AMN1: variants seen among roughly 807,000 people sequenced by gnomAD.
The protein encoded by AMN1 is antagonist of mitotic exit network 1 homolog, also known as protein AMN1 homolog.
Under a neutral mutation model 33.0 loss-of-function variants are expected in AMN1, and 20 were observed. That is an observed-to-expected ratio of 0.61 (90% CI 0.43 to 0.88). AMN1 has a LOEUF of 0.88. Among genes scored for constraint, AMN1 ranks in the 40% least tolerant of loss-of-function variants. The pLI, the probability that AMN1 is intolerant of heterozygous loss-of-function variation, is 0.00. For missense variants in AMN1, 246 were observed against 307.4 expected, an observed-to-expected ratio of 0.80 and a Z score of 1.49; for synonymous variants, 114 against 111.9, an observed-to-expected ratio of 1.02 and a Z score of -0.12.
chr12:31,716,975 C>T (rs188705182), intron 1 of AMN1, among the ~76,000 whole-genome samples: 14 of 152,242 alleles, frequency 9.2e-5, no homozygotes, highest in Middle Eastern at 3.4e-3. Context: ...TATTGTTTCA[C>T]CTTTCCTTTT....
At chr12:31,714,835 T>C in intron 1 of AMN1, 1 of 816,324 alleles carries the variant, frequency 1.2e-6, no homozygotes, top group Non-Finnish European at 1.5e-6. Flanking sequence ...ACCTAAAAGC[T>C]CTACCTGAAA....
rs1323977565 is a variant in AMN1 at position 31,700,193 on chromosome 12, G to A, written c.316+1670C>T. Among the ~76,000 whole-genome samples the A allele has an allele frequency of 1.1e-4, 17 of 150,010 alleles. No homozygotes were observed. The East Asian group carries it at 1.6e-3, about 14-fold the overall frequency. On this transcript the variant is annotated intron_variant, in intron 3 of 6. Coordinates refer to ENST00000281471, the MANE Select transcript of AMN1 (RefSeq NM_001113402.2). Reference sequence around the variant, plus strand: ...AGCCTGGGCAACCTAGTGAGACCTCGTCTCTACTAAAAATAAAAAATTCGC... The same window carrying A: ...AGCCTGGGCAACCTAGTGAGACCTCATCTCTACTAAAAATAAAAAATTCGC...
At chr12:31,699,113 G>A (rs977633408) in intron 3 of AMN1, among the ~76,000 whole-genome samples, 4 of 152,048 alleles carry the variant, frequency 2.6e-5, no homozygotes, top group East Asian at 1.9e-4. Flanking sequence ...CTCTTGGGAC[G>A]GGTGTGGTGG....
intron 6 of AMN1, among the ~76,000 whole-genome samples, chr12:31,674,370 C>T (rs1030190551): frequency 7.3e-5 from 11 of 151,010 alleles, no homozygotes; most frequent in Non-Finnish European, 1.0e-4. Context: ...ACCATGCCAT[C>T]GTACTCTTGC....
chr12:31,686,143 A>G (rs918941848), intron 6 of AMN1, among the ~76,000 whole-genome samples: 4 of 152,118 alleles, frequency 2.6e-5, no homozygotes, highest in Non-Finnish European at 5.9e-5. Context: ...TATATTTTCC[A>G]GACTTGAAAA....
intron 2 of AMN1, among the ~76,000 whole-genome samples, chr12:31,704,765 T>C (rs1346879512): frequency 1.3e-5 from 2 of 152,086 alleles, no homozygotes; most frequent in South Asian, 2.1e-4. Context: ...CCCAGAAAAA[T>C]CATGTCTTGT....
At chr12:31,713,275 AAT>A (rs1208098836) in intron 1 of AMN1, among the ~76,000 whole-genome samples, 25 of 152,240 alleles carry the variant, frequency 1.6e-4, no homozygotes, top group African/African-American at 3.6e-4. Flanking sequence ...TTTGCACATA[AAT>A]ATGTTTAATG....
At chr12:31,688,459 C>T (rs921349084) in intron 6 of AMN1, among the ~76,000 whole-genome samples, 57 of 152,262 alleles carry the variant, frequency 3.7e-4, no homozygotes, top group African/African-American at 1.3e-3. Flanking sequence ...CTTCATTTAT[C>T]GTTATCATGA....
intron 1 of AMN1, among the ~76,000 whole-genome samples, chr12:31,727,266 G>C (rs141199253): frequency 6.6e-6 from 1 of 152,266 alleles, no homozygotes; most frequent in East Asian, 1.9e-4. Flanking sequence ...CTCCTGGTTT[G>C]GGCTCTTCAC....
At chr12:31,693,594 G>A (rs1161370455) in intron 5 of AMN1, among the ~76,000 whole-genome samples, 1 of 151,072 alleles carries the variant, frequency 6.6e-6, no homozygotes, top group African/African-American at 2.4e-5. Context: ...CCAGGGTGGA[G>A]TGCAATGGTG....
chr12:31,676,497 T>A (rs1327841631), intron 6 of AMN1, among the ~76,000 whole-genome samples: 2 of 151,272 alleles, frequency 1.3e-5, no homozygotes, highest in African/African-American at 4.9e-5. Context: ...AATTTTTTTG[T>A]ATTTTTAGTA....
intron 5 of AMN1, among the ~76,000 whole-genome samples, chr12:31,689,564 G>A (rs1733784878): frequency 6.6e-6 from 1 of 152,090 alleles, no homozygotes; most frequent in African/African-American, 2.4e-5. Flanking sequence ...TGTTAGTTCA[G>A]ACCCTTTGGC....
chr12:31,722,092 C>G (rs1270610805), intron 1 of AMN1, among the ~76,000 whole-genome samples: 1 of 151,114 alleles, frequency 6.6e-6, no homozygotes, highest in Non-Finnish European at 1.5e-5. Flanking sequence ...GGTGTGTGGT[C>G]CCTCTTACTT....
intron 6 of AMN1, 49 bp from the exon 7 acceptor site, chr12:31,672,426 T>A: frequency 7.6e-7 from 1 of 1,311,180 alleles, no homozygotes; most frequent in East Asian, 2.5e-5. Context: ...AAAAAATGTT[T>A]AATGTTTCCT....
chr12:31,707,719 C>A (rs367963635), intron 2 of AMN1, among the ~76,000 whole-genome samples: 6 of 152,016 alleles, frequency 3.9e-5, no homozygotes, highest in East Asian at 1.9e-4. Flanking sequence ...ACCAATAAAC[C>A]TTTTTGCTTG....
intron 5 of AMN1, among the ~76,000 whole-genome samples, chr12:31,691,198 A>T (rs1311652970): frequency 1.3e-5 from 2 of 152,056 alleles, no homozygotes; most frequent in African/African-American, 4.8e-5. Flanking sequence ...AATCTCACAA[A>T]CACTATGCTA....
intron 5 of AMN1, among the ~76,000 whole-genome samples, chr12:31,693,715 T>G (rs1938600690): frequency 6.6e-6 from 1 of 151,990 alleles, no homozygotes; most frequent in Non-Finnish European, 1.5e-5. Context: ...GCTAATTTTG[T>G]ATTTTTAGTA....
At chr12:31,677,084 G>A (rs1937751342) in intron 6 of AMN1, among the ~76,000 whole-genome samples, 1 of 149,860 alleles carries the variant, frequency 6.7e-6, no homozygotes, top group Non-Finnish European at 1.5e-5. Context: ...GGATCACGAG[G>A]TCAGGAGATC....
chr12:31,700,589 C>A (rs1043003456), intron 3 of AMN1, among the ~76,000 whole-genome samples: 6 of 151,744 alleles, frequency 4.0e-5, no homozygotes, highest in Admixed American at 3.9e-4. Context: ...AAAGCCTTAA[C>A]AAAATATGAA....
Sources: gnomAD v4.1 joint callset for allele counts (sites outside exome capture counted in the v4.1 genomes callset) on GRCh38, gnomAD v4.1.1 for gene constraint, MANE v1.5 for transcripts, NCBI Gene and HGNC (gene_info 2026-07-23, HGNC 2026-07-21) for gene names.